Variants in ATP23 observed in about 807,000 individuals in gnomAD.
ATP23 encodes the protein ATP23 metallopeptidase and ATP synthase assembly factor homolog.
ATP23 carries 24 observed loss-of-function variants against 28.5 expected under a neutral mutation model. That is an observed-to-expected ratio of 0.84 (90% CI 0.61 to 1.18). The LOEUF (loss-of-function observed/expected upper bound fraction) is 1.18. Ranked by LOEUF, ATP23 falls within the 50% of genes most tolerant of loss-of-function variation. The pLI, the probability that ATP23 is intolerant of heterozygous loss-of-function variation, is 0.00. For synonymous variants in ATP23, 99 were observed against 108.6 expected, an observed-to-expected ratio of 0.91 and a Z score of 0.55; for missense variants, 274 against 306.4, an observed-to-expected ratio of 0.89 and a Z score of 0.79.
At chr12:57,952,211 A>C in intron 4 of ATP23, among the ~76,000 whole-genome samples, 1 of 152,176 alleles carries the variant, frequency 6.6e-6, no homozygotes, top group Admixed American at 6.5e-5. Flanking sequence ...ATAAAAATAA[A>C]AAAATAATTA....
chr12:57,950,278 C>T (rs2140534709), intron 3 of ATP23, among the ~76,000 whole-genome samples: 1 of 152,296 alleles, frequency 6.6e-6, no homozygotes, highest in African/African-American at 2.4e-5. Context: ...ACCTCACCAG[C>T]CGTATCTGTT....
chr12:57,941,810 C>T lies in ATP23; in HGVS notation c.109C>T (p.Pro37Ser). The change falls in exon 1 of 6, where the codon CCC becomes TCC. Residue 37 changes from proline (P) to serine (S), a missense_variant. By Grantham distance (74) the Pro-to-Ser change is moderately conservative. Coordinates refer to ENST00000300145, the MANE Select transcript of ATP23 (RefSeq NM_033276.4). Reference sequence around the variant, plus strand: ...CCCCGAGCGTCTGGCCCAGGGGAATCCCCAGCAAGGGTTCTTCTCCAGCTT... The same window carrying T: ...CCCCGAGCGTCTGGCCCAGGGGAATTCCCAGCAAGGGTTCTTCTCCAGCTT... ...VFPERLAQGN[P>S]QQGFFSSFFT... The T allele has an allele frequency of 6.2e-7, 1 of 1,612,328 alleles. No individual in the cohort carries two copies. Among genetic ancestry groups the T allele is most frequent in the Non-Finnish European group, 8.5e-7 (1 of 1,179,358 alleles).
At chr12:57,949,634 C>T (rs113450631) in intron 3 of ATP23, 1,622 of 152,378 alleles carry the variant, frequency 0.011, 21 homozygotes, top group Non-Finnish European at 0.015. Flanking sequence ...GTTGGGACTA[C>T]AGGAGTGCAT....
intron 3 of ATP23, 62 bp downstream of exon 3, chr12:57,947,138 A>G (rs1213938026): frequency 1.4e-6 from 2 of 1,467,948 alleles, no homozygotes; most frequent in East Asian, 2.3e-5. Context: ...TTTTTTGAGC[A>G]TCTTCCACAT....
At position 57,958,636 on chromosome 12, in the gene ATP23, A is replaced by G. The variant is rs1956890872; in HGVS notation, c.*1746A>G. ...GGTGGCTAGACCCAGAAGAGAGACAACAATCACAGCAGTTTGGCTTACAGG... is the reference window on the plus strand; with the variant it reads ...GGTGGCTAGACCCAGAAGAGAGACAGCAATCACAGCAGTTTGGCTTACAGG... On this transcript the variant is annotated 3_prime_UTR_variant, in exon 6 of 6. Coordinates refer to ENST00000300145, the MANE Select transcript of ATP23 (RefSeq NM_033276.4). Among the ~76,000 whole-genome samples, 1 of 152,224 alleles carries G rather than the reference A, an allele frequency of 6.6e-6. No individual in the cohort carries two copies. The highest frequency in any genetic ancestry group is 1.5e-5 in the Non-Finnish European group (1 of 68,022).
At chr12:57,952,004 C>A in intron 4 of ATP23, 109 bp downstream of exon 4, 1 of 1,405,160 alleles carries the variant, frequency 7.1e-7, no homozygotes, top group South Asian at 1.4e-5. Context: ...CTACCTTAGT[C>A]TTGAATTTCG....
chr12:57,946,635 A>G (rs1327424866), intron 2 of ATP23, among the ~76,000 whole-genome samples: 2 of 145,980 alleles, frequency 1.4e-5, no homozygotes. Context: ...TTGTATTTTT[A>G]GTAGAGATGG....
At position 57,951,823 on chromosome 12, in the gene ATP23, T is replaced by C. The variant is rs17120203; in HGVS notation, c.381T>C (p.Leu127=). The C allele has an allele frequency of 0.07, 112,874 of 1,613,972 alleles. 7,883 individuals are homozygous for C. Among genetic ancestry groups the C allele is most frequent in the African/African-American group, 0.31 (23,111 of 74,936 alleles). The change falls in exon 4 of 6, where the codon CTT becomes CTC. Residue 127 remains leucine (L), a synonymous_variant. Transcript: ENST00000300145. ...TGAACAGAGTGGTCACACACGAGCT[T>C]ATTCATGCATTTGATCATTGTCGTG... ...AHMNRVVTHE[L]IHAFDHCRAH... is the part of the protein sequence containing the mutation.
chr12:57,953,969 C>T lies in ATP23; in HGVS notation c.537+280C>T, dbSNP rs7138886. Among the ~76,000 whole-genome samples, 5,059 of 151,912 alleles carry T rather than the reference C, an allele frequency of 0.033. 301 individuals are homozygous for T. The highest frequency in any genetic ancestry group is 0.12 in the African/African-American group (4,776 of 41,396). On this transcript the variant is annotated intron_variant, in intron 5 of 5. Transcript: ENST00000300145. ...CAGCAGTTTGGGAGGCCGAGGCGGG[C>T]GGATCACGAGGTCAGGAGATCGAGA...
chr12:57,943,306 C>T (rs2140525863), intron 1 of ATP23, among the ~76,000 whole-genome samples: 1 of 152,186 alleles, frequency 6.6e-6, no homozygotes, highest in East Asian at 1.9e-4. Flanking sequence ...TGGAAGGTGA[C>T]TTAACTTCTC....
At position 57,957,251 on chromosome 12, in the gene ATP23, G is replaced by A. The variant is rs1024332536; in HGVS notation, c.*361G>A. ...ACCACTGTTGGTATTTACATTAAAT[G>A]TAAAGAAATGTGTACTGATCTCATT... is the stretch of plus-strand genomic sequence containing the variant. On this transcript the variant is annotated 3_prime_UTR_variant, in exon 6 of 6. Transcript: ENST00000300145. 5.6e-6 allele frequency: 1 copy of A among 177,340 alleles called. No homozygotes were observed. The highest frequency in any genetic ancestry group is 1.2e-5 in the Non-Finnish European group (1 of 85,120). 11.0% of individuals were successfully genotyped at this position (177,340 alleles called of 1,614,324 possible).
intron 3 of ATP23, among the ~76,000 whole-genome samples, chr12:57,951,509 C>T (rs1386038477): frequency 2.0e-5 from 3 of 152,144 alleles, no homozygotes; most frequent in African/African-American, 4.8e-5. Flanking sequence ...TGTCCTTAAT[C>T]TAAGTACTGC....
chr12:57,941,968 CTGGCCAGGGGCT>C, intron 1 of ATP23, 80 bp downstream of exon 1: 2 of 1,535,522 alleles, frequency 1.3e-6, no homozygotes, highest in Non-Finnish European at 1.8e-6. Context: ...TGGGCAACAC[CTGGCCAGGGGCT>C]TCAGGTTCAG....
chr12:57,952,508 G>A (rs187296553), intron 4 of ATP23, among the ~76,000 whole-genome samples: 15 of 152,272 alleles, frequency 9.9e-5, no homozygotes, highest in African/African-American at 3.4e-4. Flanking sequence ...TTATTACTAA[G>A]CACGTTGGAT....
At position 57,958,491 on chromosome 12, in the gene ATP23, CT is replaced by C. The variant is rs376891565; in HGVS notation, c.*1602del. On this transcript the variant is annotated 3_prime_UTR_variant, in exon 6 of 6. Coordinates refer to ENST00000300145, the MANE Select transcript of ATP23 (RefSeq NM_033276.4). ...CCTCATGGAGTCCATTGCACCCCCC[CT>C]GCCACCTCCACTGGAACAGGTGCTG... Among the ~76,000 whole-genome samples the C allele has an allele frequency of 2.0e-3, 311 of 152,302 alleles. 3 individuals carry two copies. The highest frequency in any genetic ancestry group is 7.1e-3 in the African/African-American group (295 of 41,560).
At chr12:57,953,851 C>T (rs914352285) in intron 5 of ATP23, among the ~76,000 whole-genome samples, 162 bp downstream of exon 5, 1 of 152,156 alleles carries the variant, frequency 6.6e-6, no homozygotes, top group African/African-American at 2.4e-5. Context: ...GAATTTAGTT[C>T]TACTTTGTAA....
At chr12:57,955,949 T>A (rs1026104834) in intron 5 of ATP23, among the ~76,000 whole-genome samples, 1 of 152,234 alleles carries the variant, frequency 6.6e-6, no homozygotes, top group Non-Finnish European at 1.5e-5. Flanking sequence ...GCCATTCTTT[T>A]GAGTTTTAGA....
intron 4 of ATP23, among the ~76,000 whole-genome samples, 198 bp from the exon 5 acceptor site, chr12:57,953,408 C>G (rs1158375751): frequency 6.6e-6 from 1 of 152,200 alleles, no homozygotes; most frequent in Non-Finnish European, 1.5e-5. Flanking sequence ...TTGGCATTGT[C>G]TAGCATAGCT....
intron 3 of ATP23, 74 bp from the exon 4 acceptor site, chr12:57,951,684 T>C: frequency 3.2e-6 from 5 of 1,545,144 alleles, no homozygotes; most frequent in Non-Finnish European, 8.9e-7. Context: ...GGTGAGGTCA[T>C]GTGGGAGAGA....
Sources: gnomAD v4.1 joint callset for allele counts (sites outside exome capture counted in the v4.1 genomes callset) on GRCh38, gnomAD v4.1.1 for gene constraint, MANE v1.5 for transcripts, NCBI Gene and HGNC (gene_info 2026-07-23, HGNC 2026-07-21) for gene names.